RANBP9: variants seen among roughly 807,000 people sequenced by gnomAD.
The protein encoded by RANBP9 is ran-binding protein 9.
Under a neutral mutation model 84.3 loss-of-function variants are expected in RANBP9, and 15 were observed. That is an observed-to-expected ratio of 0.18 (90% CI 0.12 to 0.27). The LOEUF (loss-of-function observed/expected upper bound fraction) is 0.27. Among genes scored for constraint, RANBP9 ranks in the 10% least tolerant of loss-of-function variants. RANBP9 has a pLI of 1.00. For missense variants in RANBP9, 809 were observed against 912.8 expected (o/e 0.89, Z 1.46); for synonymous variants, 392 against 349.6 (o/e 1.12, Z -1.35).
Position 13,625,734 on chromosome 6 carries a change from G to T in RANBP9, c.1978C>A (p.Pro660Thr). The change falls in exon 13 of 14, where the codon CCC becomes ACC. Residue 660 changes from proline (P) to threonine (T), a missense_variant. Pro to Thr is a conservative substitution (Grantham distance 38). Coordinates refer to ENST00000011619, the MANE Select transcript of RANBP9 (RefSeq NM_005493.3). ...DAFSLLAYSD[P>T]WNSPVGNQLD... ...TGATTTCCAACTGGGCTGTTCCAGG[G>T]ATCTGAATATGCTAGTAGACTGAAT... is the stretch of plus-strand genomic sequence containing the variant. 6.2e-7 allele frequency: 1 copy of T among 1,611,990 alleles called. No individual in the cohort carries two copies. The highest frequency in any genetic ancestry group is 8.5e-7 in the Non-Finnish European group (1 of 1,178,156).
chr6:13,640,223 C>A (rs190226267), intron 8 of RANBP9, among the ~76,000 whole-genome samples: 23 of 152,274 alleles, frequency 1.5e-4, no homozygotes, highest in African/African-American at 5.1e-4. Flanking sequence ...CAAAACAATT[C>A]TGTCATTTGA....
intron 1 of RANBP9, among the ~76,000 whole-genome samples, chr6:13,704,524 A>G (rs149613876): frequency 2.0e-5 from 3 of 152,142 alleles, no homozygotes; most frequent in African/African-American, 7.2e-5. Context: ...GCAGCTATTC[A>G]GGATGCTGAG....
chr6:13,641,939 T>C (rs574793985), intron 7 of RANBP9, among the ~76,000 whole-genome samples: 27 of 152,286 alleles, frequency 1.8e-4, no homozygotes, highest in African/African-American at 2.9e-4. Context: ...TGTCAAGTCA[T>C]ACCCACCCTG....
At chr6:13,650,826 T>C (rs1041288624) in intron 5 of RANBP9, among the ~76,000 whole-genome samples, 3 of 152,122 alleles carry the variant, frequency 2.0e-5, no homozygotes, top group Admixed American at 6.6e-5. Context: ...CAGTCGGGCA[T>C]GCTGGCGTGC....
At chr6:13,676,813 C>T (rs1765894844) in intron 2 of RANBP9, among the ~76,000 whole-genome samples, 1 of 152,028 alleles carries the variant, frequency 6.6e-6, no homozygotes, top group South Asian at 2.1e-4. Context: ...AAATCCAACA[C>T]CATTCTTGAT....
chr6:13,696,981 G>A (rs1229304512), intron 1 of RANBP9, 85 bp from the exon 2 acceptor site: 2 of 1,117,220 alleles, frequency 1.8e-6, no homozygotes, highest in Non-Finnish European at 2.6e-6. Context: ...GAACATATAG[G>A]TTTTTGGAAT....
intron 5 of RANBP9, among the ~76,000 whole-genome samples, chr6:13,649,754 T>C (rs1176875066): frequency 6.6e-6 from 1 of 152,130 alleles, no homozygotes; most frequent in Admixed American, 6.6e-5. Context: ...ACTCCATTTC[T>C]TTACTCCTCA....
intron 5 of RANBP9, among the ~76,000 whole-genome samples, chr6:13,645,119 T>C (rs952723546): frequency 3.3e-5 from 5 of 152,236 alleles, no homozygotes; most frequent in African/African-American, 1.2e-4. Context: ...TTATATATGA[T>C]ACATTTCTAT....
chr6:13,650,144 T>G (rs979308224), intron 5 of RANBP9, among the ~76,000 whole-genome samples: 5 of 151,612 alleles, frequency 3.3e-5, no homozygotes, highest in African/African-American at 2.4e-5. Flanking sequence ...GGCAGGGTTT[T>G]TTGTTGTTGT....
chr6:13,705,865 T>C (rs549026578), intron 1 of RANBP9, among the ~76,000 whole-genome samples: 63 of 50,452 alleles, frequency 1.2e-3, no homozygotes, highest in African/African-American at 5.8e-3. Flanking sequence ...CAAGACTCCG[T>C]CTCAAAAAAA....
intron 4 of RANBP9, among the ~76,000 whole-genome samples, chr6:13,655,814 A>G (rs1022696325): frequency 3.3e-5 from 5 of 152,210 alleles, no homozygotes; most frequent in African/African-American, 9.6e-5. Context: ...CAAGCCAACT[A>G]AGATTATATG....
At chr6:13,625,505 G>A (rs899883524) in intron 13 of RANBP9, 148 bp downstream of exon 13, 1 of 462,070 alleles carries the variant, frequency 2.2e-6, no homozygotes, top group African/African-American at 1.9e-5. Flanking sequence ...AAAGGAGGGG[G>A]TTTCTATATT....
intron 13 of RANBP9, among the ~76,000 whole-genome samples, chr6:13,624,081 G>A (rs1159275984): frequency 6.6e-6 from 1 of 152,120 alleles, no homozygotes; most frequent in East Asian, 1.9e-4. Flanking sequence ...GGAGCTAAAT[G>A]AATTTTGTAG....
At chr6:13,625,914 T>C (rs1764589238) in intron 12 of RANBP9, 150 bp from the exon 13 acceptor site, 2 of 555,320 alleles carry the variant, frequency 3.6e-6, no homozygotes, top group Admixed American at 5.7e-5. Context: ...TGGGACGCTC[T>C]ACATTTTTGA....
intron 2 of RANBP9, among the ~76,000 whole-genome samples, chr6:13,681,438 G>A (rs1219736574): frequency 6.6e-6 from 1 of 152,112 alleles, no homozygotes; most frequent in Non-Finnish European, 1.5e-5. Flanking sequence ...AAAACCCACA[G>A]ACACTGGGGA....
chr6:13,631,490 A>G (rs1389158383), intron 12 of RANBP9, among the ~76,000 whole-genome samples: 1 of 152,188 alleles, frequency 6.6e-6, no homozygotes, highest in Non-Finnish European at 1.5e-5. Flanking sequence ...ACTCTTAAGT[A>G]TCAGATTTTG....
At chr6:13,640,758 T>C (rs1584917571) in intron 8 of RANBP9, among the ~76,000 whole-genome samples, 1 of 152,172 alleles carries the variant, frequency 6.6e-6, no homozygotes, top group Non-Finnish European at 1.5e-5. Context: ...GGATGGTTAG[T>C]GTTTAATAGA....
At chr6:13,647,785 A>G (rs1404684482) in intron 5 of RANBP9, among the ~76,000 whole-genome samples, 2 of 152,180 alleles carry the variant, frequency 1.3e-5, no homozygotes, top group Non-Finnish European at 2.9e-5. Flanking sequence ...AGTAATATTA[A>G]GTCAGTTTTG....
In RANBP9 at chr6:13,711,639, G is replaced by A. The variant is rs549813127; in HGVS notation, c.-134C>T. On this transcript the variant is annotated 5_prime_UTR_variant, in exon 1 of 14. Transcript: ENST00000011619. ...GCCCCGGAAGCAGGCGGCGGGCCGC[G>A]CGCCCAGGGAGACCGCGGCGGTTGA... 6.4e-4 allele frequency: 532 copies of A among 835,292 alleles called. 11 individuals carry two copies. The East Asian group carries it at 0.017, about 27-fold the overall frequency. The allele number at this position is 835,292 out of a possible 1,614,324, so 51.7% of individuals were successfully genotyped here.
Sources: gnomAD v4.1 joint callset for allele counts (sites outside exome capture counted in the v4.1 genomes callset) on GRCh38, gnomAD v4.1.1 for gene constraint, MANE v1.5 for transcripts, NCBI Gene and HGNC (gene_info 2026-07-23, HGNC 2026-07-21) for gene names.